Variants in FNDC3A observed in about 807,000 individuals in gnomAD.
The protein encoded by FNDC3A is fibronectin type-III domain-containing protein 3A.
FNDC3A carries 32 observed loss-of-function variants against 148.9 expected under a neutral mutation model. The ratio of observed to expected loss-of-function variants is 0.21; its 90% confidence interval spans 0.16 to 0.29. The LOEUF (loss-of-function observed/expected upper bound fraction) is 0.29. Among genes scored for constraint, FNDC3A ranks in the 10% least tolerant of loss-of-function variants. FNDC3A has a pLI of 1.00. For synonymous variants in FNDC3A, 472 were observed against 473.6 expected, an observed-to-expected ratio of 1.00 and a Z score of 0.04; for missense variants, 1,191 against 1,452.8, an observed-to-expected ratio of 0.82 and a Z score of 2.93.
At chr13:49,051,763 C>T (rs1426844084) in intron 2 of FNDC3A, among the ~76,000 whole-genome samples, 1 of 152,156 alleles carries the variant, frequency 6.6e-6, no homozygotes, top group African/African-American at 2.4e-5. Flanking sequence ...CCCTCAAATA[C>T]GTTTTCCAAA....
At position 49,035,498 on chromosome 13, in the gene FNDC3A, A is replaced by C. The variant is rs184448028; in HGVS notation, c.99+29209A>C. Among the ~76,000 whole-genome samples the C allele has an allele frequency of 1.3e-3, 196 of 152,174 alleles. 1 individual carries two copies. The highest frequency in any genetic ancestry group is 4.5e-3 in the African/African-American group (188 of 41,570). ...CAGTTAAATTAAAAGCTGCATACCT[A>C]TTAAGTAATAGAGTAGAATTTGAAT... On this transcript the variant is annotated intron_variant, in intron 2 of 25. Transcript: ENST00000492622.
intron 23 of FNDC3A, among the ~76,000 whole-genome samples, chr13:49,200,376 G>T (rs927686976): frequency 6.6e-6 from 1 of 152,110 alleles, no homozygotes; most frequent in Non-Finnish European, 1.5e-5. Flanking sequence ...AATCTGTATC[G>T]ATGAATGTTA....
intron 2 of FNDC3A, among the ~76,000 whole-genome samples, chr13:49,032,166 G>T (rs1928110): frequency 0.58 from 87,934 of 151,934 alleles, 27,099 homozygotes; most frequent in Non-Finnish European, 0.68. Flanking sequence ...TGGAAAAATT[G>T]GAACCCTCAT....
intron 23 of FNDC3A, among the ~76,000 whole-genome samples, chr13:49,199,577 C>T (rs1191194118): frequency 3.9e-5 from 6 of 152,172 alleles, no homozygotes; most frequent in Non-Finnish European, 7.4e-5. Context: ...CCACCTGCCT[C>T]GACCTCCCAA....
intron 5 of FNDC3A, among the ~76,000 whole-genome samples, chr13:49,133,611 A>G (rs1335455989): frequency 6.6e-6 from 1 of 152,236 alleles, no homozygotes; most frequent in Non-Finnish European, 1.5e-5. Context: ...TGCACAATCC[A>G]TATGGATTCT....
intron 3 of FNDC3A, among the ~76,000 whole-genome samples, chr13:49,093,995 T>G (rs960895828): frequency 6.6e-6 from 1 of 152,124 alleles, no homozygotes; most frequent in African/African-American, 2.4e-5. Context: ...AGTGATTCAC[T>G]GAAATAATTT....
chr13:48,988,604 G>A (rs912326386), intron 1 of FNDC3A, among the ~76,000 whole-genome samples: 4 of 152,178 alleles, frequency 2.6e-5, no homozygotes, highest in Admixed American at 1.3e-4. Flanking sequence ...GACTTTGGGA[G>A]GCTGAGGTGG....
chr13:49,039,022 C>G (rs1187661542), intron 2 of FNDC3A, among the ~76,000 whole-genome samples: 1 of 152,092 alleles, frequency 6.6e-6, no homozygotes, highest in East Asian at 1.9e-4. Context: ...AAGACATCAT[C>G]CCTTCCATCT....
At chr13:49,121,010 A>C (rs1881303305) in intron 4 of FNDC3A, among the ~76,000 whole-genome samples, 1 of 152,236 alleles carries the variant, frequency 6.6e-6, no homozygotes, top group Non-Finnish European at 1.5e-5. Context: ...AGACATCTAC[A>C]GAACTCTCCA....
chr13:49,111,785 T>A (rs1880596071), intron 3 of FNDC3A, among the ~76,000 whole-genome samples: 1 of 151,630 alleles, frequency 6.6e-6, no homozygotes, highest in African/African-American at 2.4e-5. Flanking sequence ...AAAAAAAAAT[T>A]TTTTTGCTAG....
In FNDC3A at chr13:49,050,113, A is replaced by AT. The variant is rs973020141; in HGVS notation, c.100-25168dup. Among the ~76,000 whole-genome samples the AT allele has an allele frequency of 2.6e-5, 4 of 151,342 alleles. No individual in the cohort carries two copies. The East Asian group carries it at 5.8e-4, about 22-fold the overall frequency. ...GCTTTTTGTTTCATTTATGTTTTGTATTTTTTTTGTTTGTTTCCATTTCAT... is the reference window on the plus strand; with the variant it reads ...GCTTTTTGTTTCATTTATGTTTTGTATTTTTTTTTGTTTGTTTCCATTTCAT... On this transcript the variant is annotated intron_variant, in intron 2 of 25. Transcript: ENST00000492622.
intron 3 of FNDC3A, among the ~76,000 whole-genome samples, chr13:49,099,973 C>T (rs1221446089): frequency 6.6e-6 from 1 of 151,976 alleles, no homozygotes; most frequent in African/African-American, 2.4e-5. Context: ...TAAAATACAA[C>T]ATTGTAAGCA....
chr13:49,096,976 G>C (rs1879566009), intron 3 of FNDC3A, among the ~76,000 whole-genome samples: 3 of 152,106 alleles, frequency 2.0e-5, no homozygotes, highest in Admixed American at 2.0e-4. Context: ...ACACAGATTA[G>C]AGGAAACGGA....
At chr13:49,089,762 A>G (rs1879061925) in intron 3 of FNDC3A, among the ~76,000 whole-genome samples, 1 of 152,230 alleles carries the variant, frequency 6.6e-6, no homozygotes, top group African/African-American at 2.4e-5. Flanking sequence ...TTGCCTTATG[A>G]GACCCCGAAC....
At chr13:49,046,163 A>G (rs1875389386) in intron 2 of FNDC3A, 1 of 157,160 alleles carries the variant, frequency 6.4e-6, no homozygotes, top group Non-Finnish European at 1.4e-5. Flanking sequence ...CAGAATCTCA[A>G]CAGAACTAAT....
At chr13:49,074,775 C>CCTGTTTTTTCT (rs1227972701) in intron 2 of FNDC3A, among the ~76,000 whole-genome samples, 1 of 151,930 alleles carries the variant, frequency 6.6e-6, no homozygotes, top group African/African-American at 2.4e-5. Flanking sequence ...TCCCCAGTTT[C>CCTGTTTTTTCT]CTGTTTTTTC....
intron 2 of FNDC3A, among the ~76,000 whole-genome samples, chr13:49,066,189 C>G (rs1385150137): frequency 6.6e-6 from 1 of 152,098 alleles, no homozygotes; most frequent in Non-Finnish European, 1.5e-5. Flanking sequence ...AAACTGTATT[C>G]CTGTATTCGT....
chr13:49,148,502 G>T (rs1041010794), intron 8 of FNDC3A, among the ~76,000 whole-genome samples: 2 of 152,042 alleles, frequency 1.3e-5, no homozygotes, highest in Non-Finnish European at 2.9e-5. Flanking sequence ...TGGCACCATT[G>T]TTAAAAAGTC....
intron 2 of FNDC3A, among the ~76,000 whole-genome samples, chr13:49,022,168 C>A (rs1873376899): frequency 6.6e-6 from 1 of 152,122 alleles, no homozygotes; most frequent in African/African-American, 2.4e-5. Context: ...GCATAGCAGG[C>A]CTTTGGTTAG....
Sources: gnomAD v4.1 joint callset for allele counts (sites outside exome capture counted in the v4.1 genomes callset) on GRCh38, gnomAD v4.1.1 for gene constraint, MANE v1.5 for transcripts, NCBI Gene and HGNC (gene_info 2026-07-23, HGNC 2026-07-21) for gene names.